FIZ1: variants seen among roughly 807,000 people sequenced by gnomAD.
FIZ1 encodes the protein flt3-interacting zinc finger protein 1.
Under a neutral mutation model 5.3 loss-of-function variants are expected in FIZ1, and 2 were observed. The observed-to-expected ratio is 0.37, with a 90% CI of 0.15 to 1.18. The LOEUF is 1.18. FIZ1 is among the 50% of genes most tolerant of loss of function. The pLI is 0.37. For synonymous variants in FIZ1, 407 were observed against 364.2 expected (o/e 1.12, Z -1.34); for missense variants, 631 against 749.7 (o/e 0.84, Z 1.85).
Position 55,597,729 on chromosome 19 carries a change from G to C in FIZ1, c.137C>G (p.Thr46Arg). Residue 46 changes from threonine to arginine, a missense_variant, in exon 2 of 3, where the codon ACA becomes AGA. Transcript: ENST00000221665. Reference sequence around the variant, plus strand: ...CGGACATGCGTGGGGCTTGAGCGCTGTGTGCCGGGCAAAGTGGCGCCGCAG... The same window carrying C: ...CGGACATGCGTGGGGCTTGAGCGCTCTGTGCCGGGCAAAGTGGCGCCGCAG... ...SDLRRHFARH[T>R]ALKPHACPRC... is the part of the protein sequence containing the mutation. 2 of 1,614,046 alleles carry C rather than the reference G, an allele frequency of 1.2e-6. No homozygotes were observed. The highest frequency in any genetic ancestry group is 1.7e-6 in the Non-Finnish European group (2 of 1,179,946).
At chr19:55,597,248 G>A (rs34715654) in intron 2 of FIZ1, among the ~76,000 whole-genome samples, 20,768 of 152,274 alleles carry the variant, frequency 0.14, 1,577 homozygotes, top group Admixed American at 0.18. Flanking sequence ...AAAACGGTAA[G>A]GAAGGAAAGG....
chr19:55,592,249 T>C lies in FIZ1; in HGVS notation c.*201A>G, dbSNP rs1980038118. On this transcript the variant is annotated 3_prime_UTR_variant, in exon 3 of 3. Transcript: ENST00000221665. This position sits in a 1 kb window ranked among gnomAD's most constrained non-coding sequence, Gnocchi z 6.9. ...GCTCCCCTGCCCCAGCTAAGGACCC[T>C]GTTTGTTTGTGGTCCCCCAGCTCCG... is the stretch of plus-strand genomic sequence containing the variant. 1.7e-6 allele frequency: 1 copy of C among 584,482 alleles called. No individual in the cohort carries two copies. The highest frequency in any genetic ancestry group is 2.3e-5 in the South Asian group (1 of 44,324). 36.2% of individuals were successfully genotyped at this position (584,482 alleles called of 1,614,324 possible). A position where few individuals can be genotyped will look rare whatever the true frequency, so the allele number is the denominator to read the frequency against.
Position 55,592,233 on chromosome 19 carries a change from C to T in FIZ1, c.*217G>A. On this transcript the variant is annotated 3_prime_UTR_variant, in exon 3 of 3. Coordinates refer to ENST00000221665, the MANE Select transcript of FIZ1 (RefSeq NM_032836.3). This position sits in a 1 kb window ranked among gnomAD's most constrained non-coding sequence, Gnocchi z 6.9. ...CTCTCCCTAGATTTGGGCTCCCCTG[C>T]CCCAGCTAAGGACCCTGTTTGTTTG... 1.7e-6 allele frequency: 1 copy of T among 573,426 alleles called. No homozygotes were observed. Among genetic ancestry groups the T allele is most frequent in the South Asian group, 2.4e-5 (1 of 42,188 alleles). 35.5% of individuals were successfully genotyped at this position (573,426 alleles called of 1,614,324 possible). A position where few individuals can be genotyped will look rare whatever the true frequency, so the allele number is the denominator to read the frequency against.
Position 55,591,765 on chromosome 19 carries a change from G to A in FIZ1, c.*685C>T, listed in dbSNP as rs952933515. The A allele has an allele frequency of 6.6e-6, 1 of 152,608 alleles. No homozygotes were observed. Among genetic ancestry groups the A allele is most frequent in the Non-Finnish European group, 1.5e-5 (1 of 68,116 alleles). The allele number at this position is 152,608 out of a possible 1,614,324, so 9.5% of individuals were successfully genotyped here. The stretch of plus-strand genomic sequence containing the variant: ...ATCAGTCCATTCTACTGGGCAAGGG[G>A]ATTTCAGGCCAGTCTATTCTAGTGT... On this transcript the variant is annotated 3_prime_UTR_variant, in exon 3 of 3. Coordinates refer to ENST00000221665, the MANE Select transcript of FIZ1 (RefSeq NM_032836.3).
chr19:55,597,986 T>G (rs1980413268), intron 1 of FIZ1, 85 bp from the exon 2 acceptor site: 5 of 1,401,694 alleles, frequency 3.6e-6, no homozygotes, highest in Non-Finnish European at 4.7e-6. Flanking sequence ...ACCCACCACC[T>G]GTCCCCTGGG....
At position 55,593,301 on chromosome 19, in the gene FIZ1, C is replaced by T; in HGVS notation, c.640G>A (p.Glu214Lys). The T allele has an allele frequency of 8.0e-7, 1 of 1,255,978 alleles. No homozygotes were observed. The highest frequency in any genetic ancestry group is 1.0e-6 in the Non-Finnish European group (1 of 994,232). 77.8% of individuals were successfully genotyped at this position (1,255,978 alleles called of 1,614,324 possible). A position where few individuals can be genotyped will look rare whatever the true frequency, so the allele number is the denominator to read the frequency against. The change falls in exon 3 of 3, where the codon GAG becomes AAG. Residue 214 changes from glutamate (E) to lysine (K), a missense_variant. Coordinates refer to ENST00000221665, the MANE Select transcript of FIZ1 (RefSeq NM_032836.3). The surrounding 1 kb of genome is among the most constrained non-coding windows in gnomAD (Gnocchi z 6.3). ...ACARRFDHGR[E>K]LAAHWAAHTD... The stretch of plus-strand genomic sequence containing the variant: ...TGCGCCGCCCAGTGGGCCGCCAGCT[C>T]GCGGCCGTGGTCGAAGCGCCGCGCG...
Position 55,593,225 on chromosome 19 carries a change from G to A in FIZ1, c.716C>T (p.Ala239Val), listed in dbSNP as rs756040848. The A allele has an allele frequency of 4.0e-6, 5 of 1,236,608 alleles. No individual in the cohort carries two copies. The highest frequency in any genetic ancestry group is 2.0e-5 in the South Asian group (1 of 50,308). 76.6% of individuals were successfully genotyped at this position (1,236,608 alleles called of 1,614,324 possible). ...KCPRCERDFNAPALLERHKLT... is the reference protein window; with the variant it reads ...KCPRCERDFNVPALLERHKLT... ...CTTGTGCCGCTCCAGCAGCGCGGGC[G>A]CGTTGAAGTCGCGCTCGCAGCGCGG... Residue 239 changes from alanine (A) to valine (V), a missense_variant, in exon 3 of 3, where the codon GCG (alanine) becomes GTG (valine). Physicochemically the swap from Ala to Val is moderately conservative, Grantham distance 64 (BLOSUM62 0). Around this residue, in one of 4 missense-constraint regions of FIZ1, gnomAD observed 463 missense variants for 455.1 expected, o/e 1.02. Coordinates refer to ENST00000221665, the MANE Select transcript of FIZ1 (RefSeq NM_032836.3). The surrounding 1 kb of genome is among the most constrained non-coding windows in gnomAD (Gnocchi z 6.3).
In FIZ1 at chr19:55,592,243, G is replaced by C; in HGVS notation, c.*207C>G. On this transcript the variant is annotated 3_prime_UTR_variant, in exon 3 of 3. Coordinates refer to ENST00000221665, the MANE Select transcript of FIZ1 (RefSeq NM_032836.3). This position sits in a 1 kb window ranked among gnomAD's most constrained non-coding sequence, Gnocchi z 6.9. ...ATTTGGGCTCCCCTGCCCCAGCTAA[G>C]GACCCTGTTTGTTTGTGGTCCCCCA... 1 of 590,724 alleles carries C rather than the reference G, an allele frequency of 1.7e-6. No homozygotes were observed. The highest frequency in any genetic ancestry group is 2.3e-5 in the South Asian group (1 of 44,114). The allele number at this position is 590,724 out of a possible 1,614,324, so 36.6% of individuals were successfully genotyped here.
chr19:55,597,571 C>A lies in FIZ1; in HGVS notation c.294+1G>T. On this transcript the variant is annotated splice_donor_variant, in intron 2 of 2. Coordinates refer to ENST00000221665, the MANE Select transcript of FIZ1 (RefSeq NM_032836.3). LOFTEE classifies it high-confidence loss of function. ...GCCTAGGGCCGGCCTGTGGGACTCACCTGGTGGTGCAGCAGGCCGGTGGAG... is the reference window on the plus strand; with the variant it reads ...GCCTAGGGCCGGCCTGTGGGACTCAACTGGTGGTGCAGCAGGCCGGTGGAG... The A allele has an allele frequency of 6.2e-7, 1 of 1,609,572 alleles. No homozygotes were observed. The highest frequency in any genetic ancestry group is 8.5e-7 in the Non-Finnish European group (1 of 1,178,908).
Position 55,597,574 on chromosome 19 carries a change from G to C in FIZ1, c.292C>G (p.Gln98Glu). 6.2e-7 allele frequency: 1 copy of C among 1,610,002 alleles called. No homozygotes were observed. The highest frequency in any genetic ancestry group is 1.1e-5 in the South Asian group (1 of 90,944). Residue 98 changes from glutamine to glutamate, a missense_variant and splice_region_variant, in exon 2 of 3, where the codon CAG becomes GAG. By Grantham distance (29) the Gln-to-Glu change is conservative. Transcript: ENST00000221665. ...TAGGGCCGGCCTGTGGGACTCACCT[G>C]GTGGTGCAGCAGGCCGGTGGAGTCG... ...FRDSTGLLHHQVVHTGEKPYC... is the reference protein window; with the variant it reads ...FRDSTGLLHHEVVHTGEKPYC...
At chr19:55,594,789 G>A (rs996504080) in intron 2 of FIZ1, among the ~76,000 whole-genome samples, 21 of 151,492 alleles carry the variant, frequency 1.4e-4, no homozygotes, top group Admixed American at 2.6e-4. Flanking sequence ...GCCAGCCCTA[G>A]CAGGGTGTGT....
In FIZ1 at chr19:55,597,867, G is replaced by T. The variant is rs1428777922; in HGVS notation, c.-2C>A. ...GGTTGGGGCGGGGACGTCATCCATG[G>T]TGGCGGGGAATACAGTGGTATGTGG... On this transcript the variant is annotated 5_prime_UTR_variant, in exon 2 of 3. Coordinates refer to ENST00000221665, the MANE Select transcript of FIZ1 (RefSeq NM_032836.3). 34 of 1,579,058 alleles carry T rather than the reference G, an allele frequency of 2.2e-5. 1 individual carries two copies. Among genetic ancestry groups the T allele is most frequent in the South Asian group, 3.4e-5 (3 of 87,620 alleles).
intron 1 of FIZ1, 77 bp from the exon 2 acceptor site, chr19:55,597,978 C>T (rs79090458): frequency 0.077 from 109,422 of 1,424,732 alleles, 4,772 homozygotes; most frequent in Non-Finnish European, 0.09. Flanking sequence ...GTTCCCAGAC[C>T]CACCACCTGT....
chr19:55,594,953 G>A (rs866598705), intron 2 of FIZ1, among the ~76,000 whole-genome samples: 63 of 152,246 alleles, frequency 4.1e-4, no homozygotes, highest in African/African-American at 1.5e-3. Flanking sequence ...CAGATCCAGG[G>A]AATCACTTCC....
In FIZ1 at chr19:55,597,683, C is replaced by CT; in HGVS notation, c.182dup (p.His62AlafsTer43). The CT allele has an allele frequency of 6.2e-7, 1 of 1,613,986 alleles. No homozygotes were observed. Among genetic ancestry groups the CT allele is most frequent in the Non-Finnish European group, 8.5e-7 (1 of 1,179,918 alleles). On this transcript the variant is annotated frameshift_variant, in exon 2 of 3. Transcript: ENST00000221665. LOFTEE classifies it high-confidence loss of function. Reference sequence around the variant, plus strand: ...GGTGGTTGGCTAGGTTGAAGCTGTGCTTGAAACCCTTGCCGCAGCGCGGAC... The same window carrying CT: ...GGTGGTTGGCTAGGTTGAAGCTGTGCTTTGAAACCCTTGCCGCAGCGCGGAC...
chr19:55,595,279 C>T (rs940443352), intron 2 of FIZ1, among the ~76,000 whole-genome samples: 3 of 152,168 alleles, frequency 2.0e-5, no homozygotes, highest in East Asian at 1.9e-4. Flanking sequence ...GCTCCAGACT[C>T]GATGCACCTG....
At chr19:55,598,370 G>C (rs962951505) in intron 1 of FIZ1, 3 of 162,064 alleles carry the variant, frequency 1.9e-5, no homozygotes, top group African/African-American at 7.2e-5. Context: ...ACCACTTAGC[G>C]AATGGGAGGG....
At position 55,592,618 on chromosome 19, in the gene FIZ1, C is replaced by T. The variant is rs779189184; in HGVS notation, c.1323G>A (p.Pro441=). The change falls in exon 3 of 3, where the codon CCG becomes CCA. Residue 441 remains proline (P), a synonymous_variant. Coordinates refer to ENST00000221665, the MANE Select transcript of FIZ1 (RefSeq NM_032836.3). The surrounding 1 kb of genome is among the most constrained non-coding windows in gnomAD (Gnocchi z 6.9). ...RHVLVHTGEK[P]FPCLECGKFF... ...ACTTGCCGCACTCCAGGCACGGGAACGGCTTCTCGCCAGTGTGCACCAGCA... is the reference window on the plus strand; with the variant it reads ...ACTTGCCGCACTCCAGGCACGGGAATGGCTTCTCGCCAGTGTGCACCAGCA... 1.9e-6 allele frequency: 3 copies of T among 1,613,342 alleles called. No homozygotes were observed. Among genetic ancestry groups the T allele is most frequent in the Admixed American group, 3.3e-5 (2 of 59,988 alleles).
chr19:55,593,350 C>T lies in FIZ1; in HGVS notation c.591G>A (p.Leu197=). The part of the protein sequence containing the change: ...AEAAAAAAAS[L]PPFACGACAR... Reference sequence around the variant, plus strand: ...CGCAGGCGCCGCACGCAAATGGGGGCAAGGAGGCCGCGGCCGCAGCTGCCG... The same window carrying T: ...CGCAGGCGCCGCACGCAAATGGGGGTAAGGAGGCCGCGGCCGCAGCTGCCG... Residue 197 remains leucine, a synonymous_variant, in exon 3 of 3, where the codon TTG becomes TTA. Coordinates refer to ENST00000221665, the MANE Select transcript of FIZ1 (RefSeq NM_032836.3). The surrounding 1 kb of genome is among the most constrained non-coding windows in gnomAD (Gnocchi z 6.3). 1.5e-6 allele frequency: 2 copies of T among 1,341,050 alleles called. No homozygotes were observed. The highest frequency in any genetic ancestry group is 1.8e-5 in the South Asian group (1 of 56,162). The allele number at this position is 1,341,050 out of a possible 1,614,324, so 83.1% of individuals were successfully genotyped here.
Sources: gnomAD v4.1 joint callset for allele counts (sites outside exome capture counted in the v4.1 genomes callset) on GRCh38, gnomAD v4.1.1 for gene constraint, gnomAD v4.1.1 regional missense constraint, Gnocchi (gnomAD v3.1) non-coding constraint, MANE v1.5 for transcripts, NCBI Gene and HGNC (gene_info 2026-07-23, HGNC 2026-07-21) for gene names.